Variants in KMT2B observed in about 807,000 individuals in gnomAD.
The protein encoded by KMT2B is lysine methyltransferase 2B, also known as histone-lysine N-methyltransferase 2B.
KMT2B carries 22 observed loss-of-function variants against 255.3 expected under a neutral mutation model. The observed-to-expected ratio is 0.09, with a 90% confidence interval of 0.06 to 0.12. KMT2B has a LOEUF of 0.12. Among genes scored for constraint, KMT2B ranks in the 10% least tolerant of loss-of-function variants. The pLI is 1.00. For missense variants in KMT2B, 3,149 were observed against 3,737.0 expected, an observed-to-expected ratio of 0.84 and a Z score of 4.10; for synonymous variants, 1,730 against 1,498.1, an observed-to-expected ratio of 1.15 and a Z score of -3.57.
At chr19:35,732,165 T>A in intron 27 of KMT2B, 30 bp downstream of exon 27, 8 of 1,569,278 alleles carry the variant, frequency 5.1e-6, no homozygotes, top group Non-Finnish European at 6.9e-6. Context: ...GGGTTGGGGG[T>A]GGAGCCGCGG....
intron 3 of KMT2B, 150 bp downstream of exon 3, chr19:35,721,954 C>T: frequency 9.4e-7 from 1 of 1,066,626 alleles, no homozygotes; most frequent in Non-Finnish European, 1.3e-6. Context: ...TTCCTTTGTT[C>T]CTCCCCAGAC....
rs1464710158 is a variant in KMT2B at position 35,733,542 on chromosome 19, A to G, written c.6959+34A>G. The G allele has an allele frequency of 6.4e-7, 1 of 1,554,610 alleles. No homozygotes were observed. The highest frequency in any genetic ancestry group is 1.4e-5 in the African/African-American group (1 of 73,162). ...GGGTGCTGAGGCTGGCAGAGCAGGC[A>G]AGGGGGCAGATGGGCGGGAGATGCG... On this transcript the variant is annotated intron_variant, in intron 28 of 36. Transcript: ENST00000420124. The surrounding 1 kb of genome is among the most constrained non-coding windows in gnomAD (Gnocchi z 4.3).
In KMT2B at chr19:35,720,190, T is replaced by C. The variant is rs1239729139; in HGVS notation, c.843T>C (p.Arg281=). 2 of 1,607,260 alleles carry C rather than the reference T, an allele frequency of 1.2e-6. No homozygotes were observed. Among genetic ancestry groups the C allele is most frequent in the African/African-American group, 2.7e-5 (2 of 74,742 alleles). ...GTCCAGGACCTGGGACCCCCAGGCG[T>C]GGAGGACAGTCAAGCCGTGGAGGCC... ...GPGPGPGTPR[R]GGQSSRGGRG... Residue 281 remains arginine, a synonymous_variant, in exon 3 of 37, where the codon CGT becomes CGC. Coordinates refer to ENST00000420124, the MANE Select transcript of KMT2B (RefSeq NM_014727.3).
In KMT2B at chr19:35,719,991, C is replaced by G. The variant is rs756101924; in HGVS notation, c.644C>G (p.Thr215Ser). 7.4e-6 allele frequency: 12 copies of G among 1,612,876 alleles called. No individual in the cohort carries two copies. Among genetic ancestry groups the G allele is most frequent in the African/African-American group, 1.3e-5 (1 of 74,924 alleles). The change falls in exon 3 of 37, where the codon ACC (threonine) becomes AGC (serine). Residue 215 changes from threonine (T) to serine (S), a missense_variant. Thr to Ser is a moderately conservative substitution (Grantham distance 58). This residue lies in a region of KMT2B where 1,188 missense variants were observed against 1,106.4 expected (regional missense o/e 1.07). Coordinates refer to ENST00000420124, the MANE Select transcript of KMT2B (RefSeq NM_014727.3). Reference sequence around the variant, plus strand: ...CGGAGCCGGGCATGTGAGCCCTCCACCCCCCGGCGGTCTCGGGGACGGCCC... The same window carrying G: ...CGGAGCCGGGCATGTGAGCCCTCCAGCCCCCGGCGGTCTCGGGGACGGCCC... ...APRSRACEPS[T>S]PRRSRGRPPG...
In KMT2B at chr19:35,723,998, C is replaced by A. The variant is rs749554105; in HGVS notation, c.3325C>A (p.Arg1109=). The change falls in exon 8 of 37, where the codon CGA becomes AGA. Residue 1109 remains arginine, a synonymous_variant. Coordinates refer to ENST00000420124, the MANE Select transcript of KMT2B (RefSeq NM_014727.3). This position sits in a 1 kb window ranked among gnomAD's most constrained non-coding sequence, Gnocchi z 7.5. ...CCCTGCTCCTCGGCGTCGGACCCCC[C>A]GAGAAAATGGTGCGAACTGCTTAAT... The part of the protein sequence containing the change: ...GPPAPRRRTP[R]ENELPLPEPE... 1 of 1,587,982 alleles carries A rather than the reference C, an allele frequency of 6.3e-7. No homozygotes were observed. The highest frequency in any genetic ancestry group is 1.8e-5 in the Admixed American group (1 of 54,294).
At position 35,723,149 on chromosome 19, in the gene KMT2B, G is replaced by A; in HGVS notation, c.2877G>A (p.Lys959=). The change falls in exon 6 of 37, where the codon AAG becomes AAA. Residue 959 remains lysine (K), a synonymous_variant. Transcript: ENST00000420124. This position sits in a 1 kb window ranked among gnomAD's most constrained non-coding sequence, Gnocchi z 7.5. The stretch of plus-strand genomic sequence containing the variant: ...GCTCACTGCCCTCCCATCACGGCAA[G>A]AAGATGCGCATGGCTCGATGTGGAC... ...PRRSLPSHHG[K]KMRMARCGHC... is the part of the protein sequence containing the mutation. 2 of 1,613,580 alleles carry A rather than the reference G, an allele frequency of 1.2e-6. No homozygotes were observed. Among genetic ancestry groups the A allele is most frequent in the Non-Finnish European group, 1.7e-6 (2 of 1,179,878 alleles).
chr19:35,732,151 GTGGGGGT>G lies in KMT2B; in HGVS notation c.5665+24_5665+30del, dbSNP rs767264065. The G allele has an allele frequency of 6.3e-7, 1 of 1,577,904 alleles. No homozygotes were observed. The highest frequency in any genetic ancestry group is 8.6e-7 in the Non-Finnish European group (1 of 1,160,906). ...CCCTCCCCTGGTGAGCACCGGGCATGTGGGGGTTGGGGGTGGAGCCGCGGAGGTGGGA... is the reference window on the plus strand; with the variant it reads ...CCCTCCCCTGGTGAGCACCGGGCATGTGGGGGTGGAGCCGCGGAGGTGGGA... On this transcript the variant is annotated intron_variant, in intron 27 of 36. Coordinates refer to ENST00000420124, the MANE Select transcript of KMT2B (RefSeq NM_014727.3).
At position 35,721,108 on chromosome 19, in the gene KMT2B, A is replaced by G. The variant is rs1452307627; in HGVS notation, c.1761A>G (p.Pro587=). The part of the protein sequence containing the change: ...PAPVPSPPRA[P]TPPSTPVPLP... ...CAGTCCCCTCTCCACCACGTGCCCC[A>G]ACTCCTCCATCTACCCCAGTTCCAC... Residue 587 remains proline (P), a synonymous_variant, in exon 3 of 37, where the codon CCA becomes CCG. Coordinates refer to ENST00000420124, the MANE Select transcript of KMT2B (RefSeq NM_014727.3). The G allele has an allele frequency of 6.4e-6, 10 of 1,558,390 alleles. No individual in the cohort carries two copies. The highest frequency in any genetic ancestry group is 8.6e-6 in the Non-Finnish European group (10 of 1,156,808).
chr19:35,721,478 G>A lies in KMT2B; in HGVS notation c.2131G>A (p.Val711Ile), dbSNP rs1323876213. The A allele has an allele frequency of 1.2e-6, 2 of 1,612,690 alleles. No homozygotes were observed. The highest frequency in any genetic ancestry group is 1.7e-6 in the Non-Finnish European group (2 of 1,179,838). The change falls in exon 3 of 37, where the codon GTC (valine) becomes ATC (isoleucine). Residue 711 changes from valine to isoleucine, a missense_variant. Coordinates refer to ENST00000420124, the MANE Select transcript of KMT2B (RefSeq NM_014727.3). Reference protein sequence around the residue: ...HLSLPRFAPVVTTPVKAEVSP... With the variant: ...HLSLPRFAPVITTPVKAEVSP... ...CAGCCTGCCTCGATTCGCCCCTGTG[G>A]TCACCACTCCTGTTAAGGCCGAGGT...
rs568213578 is a variant in KMT2B at position 35,737,372 on chromosome 19, G to A, written c.7550+109G>A. 74 of 1,176,348 alleles carry A rather than the reference G, an allele frequency of 6.3e-5. 1 individual carries two copies. In the East Asian group the frequency reaches 1.7e-3, roughly 28 times the overall value. 72.9% of individuals were successfully genotyped at this position (1,176,348 alleles called of 1,614,324 possible). A position where few individuals can be genotyped will look rare whatever the true frequency, so the allele number is the denominator to read the frequency against. On this transcript the variant is annotated intron_variant, in intron 33 of 36. Coordinates refer to ENST00000420124, the MANE Select transcript of KMT2B (RefSeq NM_014727.3). The surrounding 1 kb of genome is among the most constrained non-coding windows in gnomAD (Gnocchi z 5.3). ...ACTGAGGCCTGGGGAGGAGACACTAGGTCACTTGAAGAGTTATTTCTAGAG... is the reference window on the plus strand; with the variant it reads ...ACTGAGGCCTGGGGAGGAGACACTAAGTCACTTGAAGAGTTATTTCTAGAG...
intron 5 of KMT2B, 44 bp from the exon 6 acceptor site, chr19:35,722,951 G>T (rs139199642): frequency 6.7e-7 from 1 of 1,492,522 alleles, no homozygotes; most frequent in Non-Finnish European, 8.9e-7. Context: ...TAGAAGCCTG[G>T]TGGCTTTGTG....
At chr19:35,729,400 A>G (rs1238369925) in intron 22 of KMT2B, 104 bp downstream of exon 22, 10 of 1,429,098 alleles carry the variant, frequency 7.0e-6, no homozygotes, top group Non-Finnish European at 9.4e-6. Flanking sequence ...GCATCCTTTC[A>G]CTGCCAGGCT....
rs770769873 is a variant in KMT2B at position 35,721,782 on chromosome 19, A to T, written c.2435A>T (p.Gln812Leu). Residue 812 changes from glutamine to leucine, a missense_variant, in exon 3 of 37, where the codon CAG becomes CTG. Around this residue, in one of 18 missense-constraint regions of KMT2B, gnomAD observed 1,188 missense variants for 1,106.4 expected, o/e 1.07. Transcript: ENST00000420124. ...TTCAAGATCGATCAGCAGCAGCAGC[A>T]GAAGGTGGCAGCTTCCATGCCGGTG... Reference protein sequence around the residue: ...QLFKIDQQQQQKVAASMPLSP... With the variant: ...QLFKIDQQQQLKVAASMPLSP... 8.2e-6 allele frequency: 13 copies of T among 1,594,090 alleles called. No individual in the cohort carries two copies. Among genetic ancestry groups the T allele is most frequent in the Admixed American group, 5.1e-5 (3 of 58,680 alleles).
At position 35,727,817 on chromosome 19, in the gene KMT2B, G is replaced by A. The variant is rs1969525804; in HGVS notation, c.4392+30G>A. ...GTGGTACACCAGGAGGAGCAGGTGG[G>A]TGGCAGGAGGAGAGGGCTGGAATTG... On this transcript the variant is annotated intron_variant, in intron 17 of 36. Coordinates refer to ENST00000420124, the MANE Select transcript of KMT2B (RefSeq NM_014727.3). This position sits in a 1 kb window ranked among gnomAD's most constrained non-coding sequence, Gnocchi z 4.2. 6.2e-7 allele frequency: 1 copy of A among 1,613,374 alleles called. No homozygotes were observed. Among genetic ancestry groups the A allele is most frequent in the Non-Finnish European group, 8.5e-7 (1 of 1,179,446 alleles).
chr19:35,733,067 G>A lies in KMT2B; in HGVS notation c.6518G>A (p.Arg2173Gln), dbSNP rs775118818. 1.3e-5 allele frequency: 21 copies of A among 1,576,180 alleles called. No homozygotes were observed. The Admixed American group carries it at 1.5e-4, about 11-fold the overall frequency. ...TGGCTCCCAGGGGCCCCAGGGGTCCGGGTGTTAAGCCTTGGCCCTGCCCCT... is the reference window on the plus strand; with the variant it reads ...TGGCTCCCAGGGGCCCCAGGGGTCCAGGTGTTAAGCCTTGGCCCTGCCCCT... The part of the protein sequence containing the change: ...FAWLPGAPGV[R>Q]VLSLGPAPEP... The change falls in exon 28 of 37, where the codon CGG (arginine) becomes CAG (glutamine). Residue 2173 changes from arginine to glutamine, a missense_variant. Arg to Gln is a conservative substitution (Grantham distance 43). This residue lies in a region of KMT2B where 897 missense variants were observed against 825.3 expected (regional missense o/e 1.09). Transcript: ENST00000420124. The surrounding 1 kb of genome is among the most constrained non-coding windows in gnomAD (Gnocchi z 4.3).
At chr19:35,734,870 G>A (rs1348261272) in intron 30 of KMT2B, among the ~76,000 whole-genome samples, 1 of 152,322 alleles carries the variant, frequency 6.6e-6, no homozygotes, top group East Asian at 1.9e-4. Flanking sequence ...CAGTTGCTGA[G>A]CTGGGAAGCA....
rs777025201 is a variant in KMT2B at position 35,724,648 on chromosome 19, C to A, written c.3346C>A (p.Pro1116Thr). 7 of 1,598,236 alleles carry A rather than the reference C, an allele frequency of 4.4e-6. No individual in the cohort carries two copies. In the South Asian group the frequency reaches 5.7e-5, roughly 13 times the overall value. Residue 1116 changes from proline (P) to threonine (T), a missense_variant, in exon 9 of 37, where the codon CCA becomes ACA. This residue lies in a region of KMT2B where 136 missense variants were observed against 137.3 expected (regional missense o/e 0.99). Transcript: ENST00000420124. ...RTPRENELPL[P>T]EPEEQSRPRK... The stretch of plus-strand genomic sequence containing the variant: ...TGTGTCCTGCCTAGAGCTGCCACTG[C>A]CAGAACCTGAGGAGCAGAGCCGGCC...
In KMT2B at chr19:35,719,777, CT is replaced by C. The variant is rs765159714; in HGVS notation, c.437-3del. On this transcript the variant is annotated splice_polypyrimidine_tract_variant and splice_region_variant and intron_variant, in intron 2 of 36. Coordinates refer to ENST00000420124, the MANE Select transcript of KMT2B (RefSeq NM_014727.3). ...GATCCATCTCCCCACAACTATTCTCCTTTTAGGTCGAGCGCCCCGAGGTCGG... is the reference window on the plus strand; with the variant it reads ...GATCCATCTCCCCACAACTATTCTCCTTTAGGTCGAGCGCCCCGAGGTCGG... The C allele has an allele frequency of 2.5e-6, 4 of 1,578,562 alleles. No homozygotes were observed. The South Asian group carries it at 4.7e-5, about 19-fold the overall frequency.
In KMT2B at chr19:35,721,684, C is replaced by T. The variant is rs376705547; in HGVS notation, c.2337C>T (p.Gly779=). Reference sequence around the variant, plus strand: ...CCCTGGAAAAAGCCCGGATTGCGGGCGTGGGTTCCTTGCCGCTGTCTGGGG... The same window carrying T: ...CCCTGGAAAAAGCCCGGATTGCGGGTGTGGGTTCCTTGCCGCTGTCTGGGG... ...MPPLEKARIA[G]VGSLPLSGVE... is the part of the protein sequence containing the mutation. Residue 779 remains glycine, a synonymous_variant, in exon 3 of 37, where the codon GGC becomes GGT. Transcript: ENST00000420124. The T allele has an allele frequency of 1.1e-4, 180 of 1,611,176 alleles. 1 individual carries two copies. Among genetic ancestry groups the T allele is most frequent in the South Asian group, 1.0e-3 (92 of 90,870 alleles).
Sources: gnomAD v4.1 joint callset for allele counts (sites outside exome capture counted in the v4.1 genomes callset) on GRCh38, gnomAD v4.1.1 for gene constraint, gnomAD v4.1.1 regional missense constraint, Gnocchi (gnomAD v3.1) non-coding constraint, MANE v1.5 for transcripts, NCBI Gene and HGNC (gene_info 2026-07-23, HGNC 2026-07-21) for gene names.